The following CROCC variants were observed in gnomAD, a reference collection of about 807,000 sequenced individuals.
CROCC encodes rootletin.
A neutral mutation model predicts 245.2 loss-of-function variants in CROCC; 180 were observed. The observed-to-expected ratio is 0.73, with a 90% CI of 0.65 to 0.83. CROCC has a LOEUF of 0.83. CROCC is among the 40% of genes least tolerant of loss of function. The pLI is 0.00. For missense variants in CROCC, 2,688 were observed against 2,779.4 expected (o/e 0.97, Z 0.74); for synonymous variants, 1,205 against 1,241.6 (o/e 0.97, Z 0.62).
At chr1:16,924,544 A>G in intron 3 of CROCC, 65 bp downstream of exon 3, 1 of 1,573,336 alleles carries the variant, frequency 6.4e-7, no homozygotes, top group Non-Finnish European at 8.7e-7. Context: ...GGAGGCATCT[A>G]GACCAGGCCC....
intron 25 of CROCC, 86 bp downstream of exon 25, chr1:16,956,242 C>G: frequency 7.3e-7 from 1 of 1,365,926 alleles, no homozygotes; most frequent in African/African-American, 1.5e-5. Flanking sequence ...ACGTTTCTAC[C>G]CCTATGTAAA....
chr1:16,926,304 G>A (rs2075533441), intron 3 of CROCC, among the ~76,000 whole-genome samples: 1 of 152,272 alleles, frequency 6.6e-6, no homozygotes, highest in South Asian at 2.1e-4. Flanking sequence ...CCTCATCACA[G>A]ATAGGGAAAG....
At chr1:16,918,438 A>G (rs6586560), upstream of CROCC, among the ~76,000 whole-genome samples, 130,931 of 152,082 alleles carry the variant, frequency 0.86, 55,753 homozygotes, top group East Asian at 0.89. Flanking sequence ...CCAAGGGTGA[A>G]TGTCACCTGG....
chr1:16,918,738 GT>G (rs68022839), upstream of CROCC, among the ~76,000 whole-genome samples: 116 of 144,060 alleles, frequency 8.1e-4, no homozygotes, highest in African/African-American at 2.8e-3. Context: ...TTAGTTTTTT[GT>G]TTTTGTTTTT....
chr1:16,921,141 C>G (rs953046204), upstream of CROCC, among the ~76,000 whole-genome samples: 1 of 152,298 alleles, frequency 6.6e-6, no homozygotes, highest in Non-Finnish European at 1.5e-5. Context: ...TGGGTATGCA[C>G]ACACGATACT....
Position 16,953,466 on chromosome 1 carries a change from G to C in CROCC, c.3171G>C (p.Glu1057Asp). ...QERDEGLLLA[E>D]SEKQQALSLK... ...GCGACGAGGGCCTCCTCCTAGCAGA[G>C]AGTGAGAAGCAGCAGGTTCGTGAGC... The change falls in exon 21 of 37, where the codon GAG (glutamate) becomes GAC (aspartate). Residue 1057 changes from glutamate to aspartate, a missense_variant. Physicochemically the swap from Glu to Asp is conservative, Grantham distance 45. This residue lies in a region of CROCC where 106 missense variants were observed against 126.1 expected (regional missense o/e 0.84). Coordinates refer to ENST00000375541, the MANE Select transcript of CROCC (RefSeq NM_014675.5). The C allele has an allele frequency of 6.2e-7, 1 of 1,606,944 alleles. No individual in the cohort carries two copies. The highest frequency in any genetic ancestry group is 2.2e-5 in the East Asian group (1 of 44,868).
chr1:16,928,627 C>T (rs1480727599), intron 3 of CROCC, among the ~76,000 whole-genome samples: 5 of 151,858 alleles, frequency 3.3e-5, no homozygotes, highest in Admixed American at 3.3e-4. Context: ...CATAGTGAAA[C>T]CCCATCTCTA....
In CROCC at chr1:16,936,878, G is replaced by A; in HGVS notation, c.1193+5G>A. On this transcript the variant is annotated splice_donor_5th_base_variant and intron_variant, in intron 9 of 36. Transcript: ENST00000375541. The stretch of plus-strand genomic sequence containing the variant: ...CAAGGCTGACCTCAGTGCCAGGTGG[G>A]TACCTGGTGGATGCCGCACGAGGCA... 2.5e-6 allele frequency: 4 copies of A among 1,605,640 alleles called. No homozygotes were observed. The highest frequency in any genetic ancestry group is 2.6e-6 in the Non-Finnish European group (3 of 1,174,774).
In CROCC at chr1:16,921,989, G is replaced by A; in HGVS notation, c.-30G>A. On this transcript the variant is annotated 5_prime_UTR_variant, in exon 1 of 37. Transcript: ENST00000375541. ...CTAGTCTTGGGGTCCTGGAGAAGGG[G>A]GCTGGAGGCATGCCCACAGCCTCCC... is the stretch of plus-strand genomic sequence containing the variant. The A allele has an allele frequency of 1.3e-6, 2 of 1,544,440 alleles. No homozygotes were observed. Among genetic ancestry groups the A allele is most frequent in the African/African-American group, 1.4e-5 (1 of 73,144 alleles).
At chr1:16,937,413 C>A (rs566787061) in intron 9 of CROCC, among the ~76,000 whole-genome samples, 1 of 152,218 alleles carries the variant, frequency 6.6e-6, no homozygotes, top group East Asian at 1.9e-4. Context: ...TGGACAAGTC[C>A]TCAACTGCTT....
chr1:16,970,786 C>G lies in CROCC; in HGVS notation c.5784+19C>G. The stretch of plus-strand genomic sequence containing the variant: ...GCTGGAGGTCTGACCCCACCCAGTC[C>G]GGGACCCCAACTTCATCCCTAGTAT... On this transcript the variant is annotated intron_variant, in intron 35 of 36. Transcript: ENST00000375541. 1 of 1,550,580 alleles carries G rather than the reference C, an allele frequency of 6.4e-7. No individual in the cohort carries two copies. The highest frequency in any genetic ancestry group is 8.7e-7 in the Non-Finnish European group (1 of 1,151,938).
Position 16,972,470 on chromosome 1 carries a change from A to T in CROCC, c.*24A>T. On this transcript the variant is annotated 3_prime_UTR_variant, in exon 37 of 37. Transcript: ENST00000375541. ...GAGCTCCTGCTGGCATCTGGAGAAC[A>T]CCCCTGTGCCTGGGACAGGGGAGGA... 1.9e-6 allele frequency: 3 copies of T among 1,569,336 alleles called. No homozygotes were observed. Among genetic ancestry groups the T allele is most frequent in the Non-Finnish European group, 2.6e-6 (3 of 1,147,514 alleles).
chr1:16,937,880 T>A (rs1436805763), intron 10 of CROCC, 143 bp downstream of exon 10: 1 of 735,058 alleles, frequency 1.4e-6, no homozygotes, highest in Non-Finnish European at 2.3e-6. Context: ...GTGTGCAGGC[T>A]TTGTGGGAAG....
intron 27 of CROCC, among the ~76,000 whole-genome samples, chr1:16,965,438 A>G (rs1040517143): frequency 4.6e-5 from 7 of 152,162 alleles, no homozygotes; most frequent in Admixed American, 6.5e-5. Flanking sequence ...GGATGGCCCT[A>G]AAGGATGGGC....
chr1:16,915,056 C>T (rs1169277403), intron 1 of CROCC, among the ~76,000 whole-genome samples: 1 of 152,250 alleles, frequency 6.6e-6, no homozygotes, highest in Non-Finnish European at 1.5e-5. Context: ...CACCCGCGCA[C>T]ATTTCCCTGA....
chr1:16,914,537 T>C (rs1467732322), intron 1 of CROCC, among the ~76,000 whole-genome samples: 3 of 152,280 alleles, frequency 2.0e-5, no homozygotes, highest in African/African-American at 7.2e-5. Flanking sequence ...TCGTGTGGGA[T>C]CCGGTTTCGT....
At chr1:16,947,117 C>A in intron 17 of CROCC, 126 bp downstream of exon 17, 3 of 907,132 alleles carry the variant, frequency 3.3e-6, no homozygotes, top group Non-Finnish European at 4.9e-6. Context: ...AAATCCAGCC[C>A]CACTTCTGCT....
chr1:16,946,973 G>A lies in CROCC; in HGVS notation c.2496G>A (p.Leu832=). The A allele has an allele frequency of 2.6e-6, 4 of 1,554,102 alleles. No individual in the cohort carries two copies. The highest frequency in any genetic ancestry group is 1.2e-5 in the South Asian group (1 of 84,198). Residue 832 remains leucine (L), a synonymous_variant, in exon 17 of 37, where the codon CTG becomes CTA. Transcript: ENST00000375541. ...LPTLRHERSQ[L]QEQLAQLSRQ... is the part of the protein sequence containing the mutation. ...CGCTGCGCCATGAGCGCAGCCAGCTGCAGGAGCAGCTAGCGCAGGTGGGCA... is the reference window on the plus strand; with the variant it reads ...CGCTGCGCCATGAGCGCAGCCAGCTACAGGAGCAGCTAGCGCAGGTGGGCA...
intron 20 of CROCC, chr1:16,951,483 A>G (rs1305336348): frequency 1.2e-5 from 2 of 165,948 alleles, no homozygotes; most frequent in African/African-American, 4.8e-5. Context: ...GGAAGTTACT[A>G]GAACACTGAC....
Sources: allele counts gnomAD v4.1 joint callset (sites outside exome capture counted in the v4.1 genomes callset), GRCh38; gene constraint gnomAD v4.1.1; regional missense constraint gnomAD v4.1.1; transcripts MANE v1.5; gene names NCBI Gene and HGNC (gene_info 2026-07-23, HGNC 2026-07-21).